Variants in PRDM16 observed in about 807,000 individuals in gnomAD.
PRDM16 encodes PR/SET domain 16.
Under a neutral mutation model 110.6 loss-of-function variants are expected in PRDM16, and 23 were observed. The ratio of observed to expected loss-of-function variants is 0.21; its 90% CI spans 0.15 to 0.29. The LOEUF (loss-of-function observed/expected upper bound fraction) is 0.29, where lower values mean the gene tolerates loss of function less well. Among genes scored for constraint, PRDM16 ranks in the 10% least tolerant of loss-of-function variants. The pLI is 1.00. For missense variants in PRDM16, 1,615 were observed against 1,794.3 expected (o/e 0.90, Z 1.81); for synonymous variants, 799 against 781.8 (o/e 1.02, Z -0.37).
In PRDM16 at chr1:3,438,583, C is replaced by A. The variant is rs1638966607; in HGVS notation, c.*4772C>A. ...TTTCCAATGCTCCAATGAATTTATACATGAGATTGATATGCAATAAATCTG... is the reference window on the plus strand; with the variant it reads ...TTTCCAATGCTCCAATGAATTTATAAATGAGATTGATATGCAATAAATCTG... On this transcript the variant is annotated 3_prime_UTR_variant, in exon 17 of 17. Coordinates refer to ENST00000270722, the MANE Select transcript of PRDM16 (RefSeq NM_022114.4). 5.2e-6 allele frequency: 1 copy of A among 191,294 alleles called. No individual in the cohort carries two copies. The highest frequency in any genetic ancestry group is 1.1e-5 in the Non-Finnish European group (1 of 91,394). 11.8% of individuals were successfully genotyped at this position (191,294 alleles called of 1,614,324 possible). A position where few individuals can be genotyped will look rare whatever the true frequency, so the allele number is the denominator to read the frequency against.
intron 3 of PRDM16, among the ~76,000 whole-genome samples, chr1:3,346,146 A>T (rs1485229822): frequency 6.6e-6 from 1 of 152,230 alleles, no homozygotes; most frequent in East Asian, 1.9e-4. Context: ...CTAGGGAGAG[A>T]TTATTTAATT....
At chr1:3,240,065 GGAGAGGAGAGGAGAGGA>G (rs1639631189) in intron 2 of PRDM16, among the ~76,000 whole-genome samples, 1 of 68,838 alleles carries the variant, frequency 1.5e-5, no homozygotes. Context: ...GAAGAGGAGA[GGAGAGGAGAGGAGAGGA>G]GAGGAGAGGA....
intron 1 of PRDM16, among the ~76,000 whole-genome samples, chr1:3,138,354 G>C (rs796292316): frequency 9.8e-5 from 15 of 152,378 alleles, no homozygotes; most frequent in African/African-American, 3.6e-4. Context: ...CAAAAGCTGA[G>C]ACTGGGGGAG....
At chr1:3,092,053 G>T (rs778811095) in intron 1 of PRDM16, among the ~76,000 whole-genome samples, 2 of 152,234 alleles carry the variant, frequency 1.3e-5, no homozygotes, top group Non-Finnish European at 2.9e-5. Flanking sequence ...GGAGCCAGCC[G>T]TGGGTAAGGG....
At chr1:3,430,691 C>A (rs778105541) in intron 14 of PRDM16, among the ~76,000 whole-genome samples, 181 bp from the exon 15 acceptor site, 1 of 152,238 alleles carries the variant, frequency 6.6e-6, no homozygotes, top group Middle Eastern at 3.2e-3. Context: ...CCCAGGCCTC[C>A]GTGCCTCTCA....
In PRDM16 at chr1:3,190,951, C is replaced by T. The variant is rs1638295263; in HGVS notation, c.387+4477C>T. ...CCCGGCTGGGCCTTCAGCTGTGTGT[C>T]CAGGGTCCTGCAGCTTGGGGCCTGC... On this transcript the variant is annotated intron_variant, in intron 2 of 16. Coordinates refer to ENST00000270722, the MANE Select transcript of PRDM16 (RefSeq NM_022114.4). This position sits in a 1 kb window ranked among gnomAD's most constrained non-coding sequence, Gnocchi z 5.0. 6.6e-6 allele frequency among the ~76,000 whole-genome samples: 1 copy of T among 152,164 alleles called. No homozygotes were observed. Among genetic ancestry groups the T allele is most frequent in the Non-Finnish European group, 1.5e-5 (1 of 68,026 alleles).
chr1:3,354,659 G>C (rs1642558383), intron 3 of PRDM16, among the ~76,000 whole-genome samples: 1 of 152,104 alleles, frequency 6.6e-6, no homozygotes, highest in African/African-American at 2.4e-5. Flanking sequence ...CTGCTGGGGT[G>C]TCTGCAGAGC....
Position 3,211,812 on chromosome 1 carries a change from C to T in PRDM16, c.387+25338C>T, listed in dbSNP as rs867606111. On this transcript the variant is annotated intron_variant, in intron 2 of 16. Coordinates refer to ENST00000270722, the MANE Select transcript of PRDM16 (RefSeq NM_022114.4). ...GCACGAGCGTGTCCATGCGTGTGCACGTGTGCATGCGTGTGCGTGCGCGTG... is the reference window on the plus strand; with the variant it reads ...GCACGAGCGTGTCCATGCGTGTGCATGTGTGCATGCGTGTGCGTGCGCGTG... 3.3e-4 allele frequency among the ~76,000 whole-genome samples: 51 copies of T among 152,352 alleles called. 1 individual carries two copies. Among genetic ancestry groups the T allele is most frequent in the South Asian group, 1.0e-3 (5 of 4,832 alleles).
intron 1 of PRDM16, among the ~76,000 whole-genome samples, chr1:3,165,359 G>A (rs201555166): frequency 1.7e-3 from 147 of 86,088 alleles, no homozygotes; most frequent in African/African-American, 5.2e-3. Flanking sequence ...GCTCAGGGAC[G>A]GTGACTCACC....
At position 3,405,528 on chromosome 1, in the gene PRDM16, A is replaced by C. The variant is rs768571449; in HGVS notation, c.1066A>C (p.Ile356Leu). 12 of 1,602,326 alleles carry C rather than the reference A, an allele frequency of 7.5e-6. No individual in the cohort carries two copies. The highest frequency in any genetic ancestry group is 8.5e-6 in the Non-Finnish European group (10 of 1,174,588). The change falls in exon 8 of 17, where the codon ATC becomes CTC. Residue 356 changes from isoleucine (I) to leucine (L), a missense_variant. By Grantham distance (5) the Ile-to-Leu change is conservative. Around this residue, in one of 5 missense-constraint regions of PRDM16, gnomAD observed 82 missense variants for 144.4 expected, o/e 0.57. Coordinates refer to ENST00000270722, the MANE Select transcript of PRDM16 (RefSeq NM_022114.4). ...FTDPSNLQRHIRSQHVGARAH... is the reference protein window; with the variant it reads ...FTDPSNLQRHLRSQHVGARAH... ...GGACCCCAGCAACCTTCAGCGGCACATCCGCTCGCAGCACGTGGGCGCTCG... is the reference window on the plus strand; with the variant it reads ...GGACCCCAGCAACCTTCAGCGGCACCTCCGCTCGCAGCACGTGGGCGCTCG...
In PRDM16 at chr1:3,353,240, G is replaced by A. The variant is rs374275646; in HGVS notation, c.439-31912G>A. On this transcript the variant is annotated intron_variant, in intron 3 of 16. Coordinates refer to ENST00000270722, the MANE Select transcript of PRDM16 (RefSeq NM_022114.4). This position sits in a 1 kb window ranked among gnomAD's most constrained non-coding sequence, Gnocchi z 5.4. ...GTGAAATGCATGTTGCCTGAGGTGC[G>A]GTAAAAGTTTACGAGGGCTGGGCAG... Among the ~76,000 whole-genome samples the A allele has an allele frequency of 1.6e-4, 25 of 152,328 alleles. No individual in the cohort carries two copies. In the South Asian group the frequency reaches 1.9e-3, roughly 11 times the overall value.
chr1:3,277,975 C>T (rs902406008), intron 3 of PRDM16, among the ~76,000 whole-genome samples: 2 of 152,174 alleles, frequency 1.3e-5, no homozygotes, highest in African/African-American at 4.8e-5. Flanking sequence ...TCTAGGTCAG[C>T]GATCATTGCT....
chr1:3,341,050 G>A (rs1200334452), intron 3 of PRDM16, among the ~76,000 whole-genome samples: 1 of 134,684 alleles, frequency 7.4e-6, no homozygotes, highest in East Asian at 2.1e-4. Flanking sequence ...ACGCTCCTTG[G>A]CCAAGTTGCT....
Position 3,436,879 on chromosome 1 carries a change from A to G in PRDM16, c.*3068A>G, listed in dbSNP as rs952105825. 12 of 231,988 alleles carry G rather than the reference A, an allele frequency of 5.2e-5. No individual in the cohort carries two copies. The highest frequency in any genetic ancestry group is 2.0e-4 in the African/African-American group (9 of 45,220). 14.4% of individuals were successfully genotyped at this position (231,988 alleles called of 1,614,324 possible). On this transcript the variant is annotated 3_prime_UTR_variant, in exon 17 of 17. Transcript: ENST00000270722. ...TCCGTTCAGCCCAAATGCTGCCCCA[A>G]TGCTAACTCCTTGGATTGTCAACCC...
intron 2 of PRDM16, among the ~76,000 whole-genome samples, chr1:3,195,635 C>T (rs1638455458): frequency 6.6e-6 from 1 of 152,140 alleles, no homozygotes; most frequent in South Asian, 2.1e-4. Context: ...ACTCAGGAAC[C>T]GGCCGCTTGT....
chr1:3,261,085 C>T (rs1410402646), intron 3 of PRDM16, among the ~76,000 whole-genome samples: 1 of 144,232 alleles, frequency 6.9e-6, no homozygotes, highest in Admixed American at 7.0e-5. Context: ...AGGCATGGAA[C>T]AGTGCTCAGG....
At chr1:3,127,297 C>T (rs1326292260) in intron 1 of PRDM16, among the ~76,000 whole-genome samples, 2 of 152,254 alleles carry the variant, frequency 1.3e-5, no homozygotes, top group African/African-American at 4.8e-5. Flanking sequence ...CGGCGGTGCG[C>T]AGGCTTTGCC....
chr1:3,295,285 C>T (rs964289784), intron 3 of PRDM16, among the ~76,000 whole-genome samples: 9 of 152,198 alleles, frequency 5.9e-5, no homozygotes, highest in African/African-American at 1.9e-4. Context: ...CCTGGCCTCA[C>T]TTTCCCCTCT....
intron 3 of PRDM16, among the ~76,000 whole-genome samples, chr1:3,379,078 ACACCCCCTCCCGGTG>A (rs1388498010): frequency 8.5e-6 from 1 of 117,198 alleles, no homozygotes; most frequent in Non-Finnish European, 1.8e-5. Flanking sequence ...CCTCCCCAAC[ACACCCCCTCCCGGTG>A]CACCCCTCCC....
Sources: allele counts gnomAD v4.1 joint callset (sites outside exome capture counted in the v4.1 genomes callset), GRCh38; gene constraint gnomAD v4.1.1; regional missense constraint gnomAD v4.1.1; non-coding constraint Gnocchi (gnomAD v3.1); transcripts MANE v1.5; gene names NCBI Gene and HGNC (gene_info 2026-07-23, HGNC 2026-07-21).